The following SCMH1 variants were observed in gnomAD, a reference collection of about 807,000 sequenced individuals.
The protein encoded by SCMH1 is polycomb protein SCMH1.
A neutral mutation model predicts 70.8 loss-of-function variants in SCMH1; 37 were observed. The observed-to-expected ratio is 0.52, with a 90% CI of 0.40 to 0.69. SCMH1 has a LOEUF of 0.69. Ranked by LOEUF, SCMH1 falls within the 30% of genes least tolerant of loss-of-function variation. The pLI is 0.00. For synonymous variants in SCMH1, 292 were observed against 307.4 expected (o/e 0.95, Z 0.52); for missense variants, 607 against 827.3 (o/e 0.73, Z 3.27).
At chr1:41,098,999 C>G (rs935483463) in intron 8 of SCMH1, 1 of 259,488 alleles carries the variant, frequency 3.9e-6, no homozygotes, top group Non-Finnish European at 7.6e-6. Context: ...CCAGATCAAA[C>G]AGGTTGTAAA....
chr1:41,121,891 T>C (rs947249108), intron 6 of SCMH1, among the ~76,000 whole-genome samples: 2 of 152,152 alleles, frequency 1.3e-5, no homozygotes, highest in African/African-American at 4.8e-5. Flanking sequence ...TCATCCTTGA[T>C]TCTTCCCTTT....
chr1:41,030,228 A>C (rs1325752564), intron 13 of SCMH1, among the ~76,000 whole-genome samples: 1 of 152,110 alleles, frequency 6.6e-6, no homozygotes, highest in East Asian at 1.9e-4. Context: ...AAACAAAAAC[A>C]AAAACAAAAA....
intron 2 of SCMH1, among the ~76,000 whole-genome samples, chr1:41,168,815 GA>G (rs1024189892): frequency 6.6e-6 from 1 of 152,006 alleles, no homozygotes; most frequent in Admixed American, 6.6e-5. Context: ...TGTTTATTCA[GA>G]CTGCTGTCTC....
In SCMH1 at chr1:41,205,528, G is replaced by A. The variant is rs567396215; in HGVS notation, c.-117-19278C>T. ...ACCCCTGATTTCCCACTGCATCCTC[G>A]CGGGGGGGAGGGGCATCTGCCATTG... On this transcript the variant is annotated intron_variant, in intron 1 of 14. Coordinates refer to ENST00000337495, the Ensembl canonical transcript of SCMH1. Among the ~76,000 whole-genome samples, 8 of 152,286 alleles carry A rather than the reference G, an allele frequency of 5.3e-5. No homozygotes were observed. The South Asian group carries it at 6.2e-4, about 12-fold the overall frequency.
intron 1 of SCMH1, among the ~76,000 whole-genome samples, chr1:41,198,373 C>T (rs369503879): frequency 7.9e-5 from 12 of 152,286 alleles, no homozygotes; most frequent in South Asian, 2.1e-4. Flanking sequence ...TATCTACCCC[C>T]ACAAAGCAGA....
chr1:41,237,415 G>A (rs188359732), intron 1 of SCMH1, among the ~76,000 whole-genome samples: 20 of 152,120 alleles, frequency 1.3e-4, no homozygotes, highest in African/African-American at 4.1e-4. Flanking sequence ...TTCTTATTTC[G>A]TTTATTGCAA....
intron 6 of SCMH1, among the ~76,000 whole-genome samples, chr1:41,126,268 G>C (rs1030880369): frequency 3.9e-5 from 6 of 151,974 alleles, no homozygotes; most frequent in Non-Finnish European, 7.4e-5. Context: ...TACTGTGAAG[G>C]TTCTATGTTA....
At chr1:41,195,797 C>T (rs1652881884) in intron 1 of SCMH1, among the ~76,000 whole-genome samples, 1 of 152,070 alleles carries the variant, frequency 6.6e-6, no homozygotes, top group Non-Finnish European at 1.5e-5. Context: ...AGATGATATA[C>T]TCTTATATGT....
intron 8 of SCMH1, among the ~76,000 whole-genome samples, chr1:41,084,146 A>T (rs1023403162): frequency 6.6e-6 from 1 of 152,218 alleles, no homozygotes; most frequent in Non-Finnish European, 1.5e-5. Context: ...TAAACTAAAG[A>T]GCTTCTGCAC....
At chr1:41,055,982 C>T (rs758654532) in intron 10 of SCMH1, among the ~76,000 whole-genome samples, 2 of 152,156 alleles carry the variant, frequency 1.3e-5, no homozygotes, top group Non-Finnish European at 2.9e-5. Flanking sequence ...AATCCATGTC[C>T]AGAGAATAGA....
At chr1:41,075,113 C>T (rs990383503) in intron 9 of SCMH1, 106 bp downstream of exon 9, 25 of 1,035,304 alleles carry the variant, frequency 2.4e-5, no homozygotes, top group Admixed American at 1.1e-4. Flanking sequence ...CCGCCCGCCT[C>T]GGCCTCCCAT....
intron 6 of SCMH1, among the ~76,000 whole-genome samples, chr1:41,122,405 A>C (rs1672170702): frequency 6.6e-6 from 1 of 152,128 alleles, no homozygotes; most frequent in Admixed American, 6.6e-5. Context: ...ATAGACTCCT[A>C]AATCTATCCT....
chr1:41,208,405 A>C (rs1342263028), intron 1 of SCMH1, among the ~76,000 whole-genome samples: 1 of 139,390 alleles, frequency 7.2e-6, no homozygotes, highest in Non-Finnish European at 1.5e-5. Flanking sequence ...GTGCACATGT[A>C]CCCTAAAACT....
intron 8 of SCMH1, chr1:41,098,582 C>T (rs1159707237): frequency 1.3e-5 from 2 of 152,104 alleles, no homozygotes; most frequent in Non-Finnish European, 2.9e-5. Flanking sequence ...TTTGAAAATT[C>T]TGTGAGAATT....
intron 4 of SCMH1, chr1:41,159,858 C>T: frequency 7.6e-7 from 1 of 1,319,106 alleles, no homozygotes; most frequent in South Asian, 2.4e-5. Flanking sequence ...CATAATAATC[C>T]TCCAAAGTTG....
intron 13 of SCMH1, among the ~76,000 whole-genome samples, chr1:41,029,683 C>G (rs1235837056): frequency 6.6e-6 from 1 of 152,146 alleles, no homozygotes; most frequent in Non-Finnish European, 1.5e-5. Flanking sequence ...TGCTTGGAAT[C>G]TGTCCCCTTC....
intron 4 of SCMH1, among the ~76,000 whole-genome samples, chr1:41,156,100 CA>C (rs1308238512): frequency 6.6e-6 from 1 of 150,952 alleles, no homozygotes; most frequent in Non-Finnish European, 1.5e-5. Flanking sequence ...CTCAACAGTA[CA>C]AATGGACAGA....
At chr1:41,239,691 C>T (rs550591278) in intron 1 of SCMH1, among the ~76,000 whole-genome samples, 8 of 152,254 alleles carry the variant, frequency 5.3e-5, no homozygotes, top group East Asian at 3.9e-4. Context: ...CTTGCTATGG[C>T]GTGATCATGG....
intron 6 of SCMH1, among the ~76,000 whole-genome samples, chr1:41,122,616 C>A (rs1034529907): frequency 6.6e-6 from 1 of 152,072 alleles, no homozygotes; most frequent in Non-Finnish European, 1.5e-5. Flanking sequence ...ACAAAAACAA[C>A]ATGGGGAAGA....
Sources: gnomAD v4.1 joint callset for allele counts (sites outside exome capture counted in the v4.1 genomes callset) on GRCh38, gnomAD v4.1.1 for gene constraint, MANE v1.5 for transcripts, NCBI Gene and HGNC (gene_info 2026-07-23, HGNC 2026-07-21) for gene names.